The following SLC17A8 variants were observed in gnomAD, a reference collection of about 807,000 sequenced individuals.
The protein encoded by SLC17A8 is vesicular glutamate transporter 3.
SLC17A8 carries 31 observed loss-of-function variants against 58.0 expected under a neutral mutation model. The ratio of observed to expected loss-of-function variants is 0.53; its 90% CI spans 0.40 to 0.72. The LOEUF (loss-of-function observed/expected upper bound fraction) is 0.72. Ranked by LOEUF, SLC17A8 falls within the 30% of genes least tolerant of loss-of-function variation. The probability of loss-of-function intolerance (pLI) is 0.00; values close to 1 mark genes in which losing one functional copy is unlikely to be tolerated. For missense variants in SLC17A8, 655 were observed against 727.8 expected, an observed-to-expected ratio of 0.90 and a Z score of 1.15; for synonymous variants, 228 against 249.0, an observed-to-expected ratio of 0.92 and a Z score of 0.79.
chr12:100,371,471 G>T (rs1278899116), intron 1 of SLC17A8, among the ~76,000 whole-genome samples: 1 of 152,228 alleles, frequency 6.6e-6, no homozygotes, highest in African/African-American at 2.4e-5. Flanking sequence ...GTAGCAATAG[G>T]CTGGATAGCA....
Position 100,402,727 on chromosome 12 carries a change from T to G in SLC17A8, c.1035T>G (p.Phe345Leu), listed in dbSNP as rs746540104. ...ISQPAYFEEV[F>L]GFAISKVGLL... is the part of the protein sequence containing the mutation. The stretch of plus-strand genomic sequence containing the variant: ...AGCCTGCTTATTTTGAAGAGGTCTT[T>G]GGATTTGCAATAAGTAAGGTAAACA... Residue 345 changes from phenylalanine (F) to leucine (L), a missense_variant, in exon 8 of 12, where the codon TTT (phenylalanine) becomes TTG (leucine). Coordinates refer to ENST00000323346, the MANE Select transcript of SLC17A8 (RefSeq NM_139319.3). The G allele has an allele frequency of 1.9e-6, 3 of 1,613,888 alleles. No individual in the cohort carries two copies. In the African/African-American group the frequency reaches 4.0e-5, roughly 22 times the overall value.
chr12:100,366,486 C>A (rs376007611), intron 1 of SLC17A8, among the ~76,000 whole-genome samples: 7 of 152,292 alleles, frequency 4.6e-5, no homozygotes, highest in African/African-American at 1.7e-4. Flanking sequence ...TGAGTATCAA[C>A]ATCAATTTGC....
chr12:100,407,978 T>C (rs1482969817), intron 9 of SLC17A8, among the ~76,000 whole-genome samples: 2 of 152,188 alleles, frequency 1.3e-5, no homozygotes, highest in East Asian at 3.8e-4. Flanking sequence ...AAGACCATAA[T>C]GGTCCCACTT....
In SLC17A8 at chr12:100,420,075, G is replaced by A; in HGVS notation, c.1686G>A (p.Trp562Ter). 1 of 1,614,170 alleles carries A rather than the reference G, an allele frequency of 6.2e-7. No individual in the cohort carries two copies. The highest frequency in any genetic ancestry group is 8.5e-7 in the Non-Finnish European group (1 of 1,180,018). Residue 562 changes from tryptophan to a stop codon, truncating the protein, a stop_gained, in exon 12 of 12, where the codon TGG becomes TGA. Transcript: ENST00000323346. LOFTEE classifies it low-confidence loss of function (END_TRUNC). ...SQNCEVQKKE[W>*]KGQRGATLDE... ...ATTGTGAAGTCCAGAAGAAGGAATG[G>A]AAAGGACAGAGAGGAGCGACCCTTG...
rs1952453417 is a variant in SLC17A8 at position 100,357,342 on chromosome 12, A to G, written c.-50A>G. ...CTCACACTGGAAATGAGGAAGGATGACAGTTTTTGAGACTGACTGTTAACG... is the reference window on the plus strand; with the variant it reads ...CTCACACTGGAAATGAGGAAGGATGGCAGTTTTTGAGACTGACTGTTAACG... On this transcript the variant is annotated 5_prime_UTR_variant, in exon 1 of 12. Coordinates refer to ENST00000323346, the MANE Select transcript of SLC17A8 (RefSeq NM_139319.3). 2.8e-5 allele frequency: 29 copies of G among 1,019,818 alleles called. No homozygotes were observed. The East Asian group carries it at 6.9e-4, about 24-fold the overall frequency. 63.2% of individuals were successfully genotyped at this position (1,019,818 alleles called of 1,614,324 possible).
intron 2 of SLC17A8, among the ~76,000 whole-genome samples, chr12:100,390,513 A>AT (rs576930547): frequency 5.3e-5 from 8 of 150,978 alleles, no homozygotes; most frequent in East Asian, 2.0e-4. Context: ...CGCCCGGCTA[A>AT]TTTTTTTTGT....
At chr12:100,378,261 A>G (rs1207620026) in intron 1 of SLC17A8, among the ~76,000 whole-genome samples, 1 of 152,172 alleles carries the variant, frequency 6.6e-6, no homozygotes, top group East Asian at 1.9e-4. Flanking sequence ...AAAAACATAA[A>G]ATGGCCAAGA....
chr12:100,407,197 A>G (rs1487539840), intron 9 of SLC17A8, among the ~76,000 whole-genome samples: 1 of 152,230 alleles, frequency 6.6e-6, no homozygotes, highest in African/African-American at 2.4e-5. Context: ...GAGTTCTTTA[A>G]CAAATATCTG....
At chr12:100,374,504 C>G (rs1054667480) in intron 1 of SLC17A8, among the ~76,000 whole-genome samples, 22 of 152,216 alleles carry the variant, frequency 1.4e-4, no homozygotes, top group African/African-American at 5.3e-4. Flanking sequence ...CCCAGCTACT[C>G]GGGAGGCTGA....
intron 11 of SLC17A8, 132 bp downstream of exon 11, chr12:100,418,288 CTTT>C (rs558307535): frequency 6.5e-5 from 65 of 1,002,542 alleles, no homozygotes; most frequent in Non-Finnish European, 8.2e-5. Context: ...AGCTGAACTT[CTTT>C]TTTTTTTCTT....
intron 4 of SLC17A8, 124 bp from the exon 5 acceptor site, chr12:100,396,206 C>T: frequency 1.3e-6 from 1 of 775,916 alleles, no homozygotes; most frequent in South Asian, 1.5e-5. Context: ...AACATTCAAC[C>T]TACAACAGTG....
At chr12:100,371,839 G>A (rs1021323847) in intron 1 of SLC17A8, among the ~76,000 whole-genome samples, 3 of 152,150 alleles carry the variant, frequency 2.0e-5, no homozygotes, top group African/African-American at 7.2e-5. Context: ...GTGAGCCACC[G>A]TGCCCAGCTG....
At chr12:100,401,622 TCTGTGGCACA>T (rs1248137945) in intron 5 of SLC17A8, among the ~76,000 whole-genome samples, 145 bp from the exon 6 acceptor site, 3 of 152,172 alleles carry the variant, frequency 2.0e-5, no homozygotes, top group African/African-American at 7.2e-5. Flanking sequence ...GAAGCCCTGT[TCTGTGGCACA>T]CTGGGAGTTT....
At chr12:100,362,771 A>G (rs1952492945) in intron 1 of SLC17A8, among the ~76,000 whole-genome samples, 1 of 152,164 alleles carries the variant, frequency 6.6e-6, no homozygotes, top group Non-Finnish European at 1.5e-5. Flanking sequence ...TTATTAAGAC[A>G]GACTCCAGGC....
At chr12:100,402,558 A>G (rs202114741) in intron 7 of SLC17A8, 38 bp from the exon 8 acceptor site, 5 of 1,613,010 alleles carry the variant, frequency 3.1e-6, no homozygotes, top group Non-Finnish European at 4.2e-6. Context: ...AAATGTCAAT[A>G]TCTTTACTAA....
intron 9 of SLC17A8, among the ~76,000 whole-genome samples, chr12:100,412,203 C>T (rs140725105): frequency 0.013 from 1,931 of 151,996 alleles, 18 homozygotes; most frequent in Middle Eastern, 0.024. Context: ...CAAGGTGCAC[C>T]GCGATAATGT....
chr12:100,373,399 C>T (rs1952572094), intron 1 of SLC17A8, among the ~76,000 whole-genome samples: 1 of 151,908 alleles, frequency 6.6e-6, no homozygotes, highest in African/African-American at 2.4e-5. Context: ...AGATCCTTAA[C>T]CCTGTCTGTA....
chr12:100,369,590 G>A (rs1952545175), intron 1 of SLC17A8, among the ~76,000 whole-genome samples: 1 of 152,198 alleles, frequency 6.6e-6, no homozygotes, highest in Non-Finnish European at 1.5e-5. Flanking sequence ...TCTCATTCAA[G>A]TGCTTTGGAT....
intron 2 of SLC17A8, among the ~76,000 whole-genome samples, chr12:100,383,099 G>A (rs946516365): frequency 6.6e-6 from 1 of 152,170 alleles, no homozygotes. Flanking sequence ...TGTATCACAT[G>A]CATTCTTTCA....
Sources: gnomAD v4.1 joint callset for allele counts (sites outside exome capture counted in the v4.1 genomes callset) on GRCh38, gnomAD v4.1.1 for gene constraint, MANE v1.5 for transcripts, NCBI Gene and HGNC (gene_info 2026-07-23, HGNC 2026-07-21) for gene names.